Variants in CPNE8 observed in about 807,000 individuals in gnomAD.
The protein encoded by CPNE8 is copine-8.
In CPNE8, 45 loss-of-function variants were observed where a neutral mutation model predicts 81.5. The ratio of observed to expected loss-of-function variants is 0.55; its 90% CI spans 0.44 to 0.71. The LOEUF is 0.71. CPNE8 is among the 30% of genes least tolerant of loss of function. The pLI, the probability that CPNE8 is intolerant of heterozygous loss-of-function variation, is 0.00. For synonymous variants in CPNE8, 252 were observed against 226.3 expected, an observed-to-expected ratio of 1.11 and a Z score of -1.02; for missense variants, 594 against 672.1, an observed-to-expected ratio of 0.88 and a Z score of 1.28.
chr12:38,894,660 T>A (rs1235954595), intron 1 of CPNE8, among the ~76,000 whole-genome samples: 1 of 5,798 alleles, frequency 1.7e-4, no homozygotes. Context: ...TCCAGCTCAC[T>A]CTCTCTCTCT....
intron 3 of CPNE8, among the ~76,000 whole-genome samples, chr12:38,867,964 A>G (rs1175478235): frequency 6.6e-6 from 1 of 152,156 alleles, no homozygotes. Flanking sequence ...CTACAGATTA[A>G]TTTTAAATAA....
intron 1 of CPNE8, among the ~76,000 whole-genome samples, chr12:38,893,849 T>G (rs1944347728): frequency 6.6e-6 from 1 of 152,248 alleles, no homozygotes; most frequent in African/African-American, 2.4e-5. Flanking sequence ...TCAATATCAT[T>G]TTAAATACAC....
intron 15 of CPNE8, among the ~76,000 whole-genome samples, chr12:38,685,963 T>C (rs1939525596): frequency 6.6e-6 from 1 of 152,130 alleles, no homozygotes; most frequent in Non-Finnish European, 1.5e-5. Flanking sequence ...GAGATAAACA[T>C]ATAGAAATCC....
chr12:38,851,881 G>A (rs1435848954), intron 3 of CPNE8, among the ~76,000 whole-genome samples: 1 of 151,966 alleles, frequency 6.6e-6, no homozygotes, highest in Admixed American at 6.6e-5. Flanking sequence ...CAGCCTCCTG[G>A]CCTTCTTGTA....
intron 3 of CPNE8, among the ~76,000 whole-genome samples, chr12:38,857,055 CTTG>C (rs920456683): frequency 2.0e-4 from 31 of 151,832 alleles, no homozygotes; most frequent in African/African-American, 7.5e-4. Context: ...TTACCTTAAT[CTTG>C]TTGTCTTTTT....
At position 38,845,504 on chromosome 12, in the gene CPNE8, T is replaced by C. The variant is rs530990529; in HGVS notation, c.290+3055A>G. Among the ~76,000 whole-genome samples, 4 of 152,222 alleles carry C rather than the reference T, an allele frequency of 2.6e-5. No individual in the cohort carries two copies. The East Asian group carries it at 7.7e-4, about 29-fold the overall frequency. ...ACTACTGGGAATTTGTATTGCCTAC[T>C]TTAATCTTTTTTATTTTCCAATTTT... is the stretch of plus-strand genomic sequence containing the variant. On this transcript the variant is annotated intron_variant, in intron 4 of 19. Coordinates refer to ENST00000331366, the MANE Select transcript of CPNE8 (RefSeq NM_153634.3).
chr12:38,799,811 G>A (rs933956451), intron 6 of CPNE8, among the ~76,000 whole-genome samples: 8 of 144,100 alleles, frequency 5.6e-5, no homozygotes, highest in East Asian at 4.0e-4. Flanking sequence ...CACCGTGCGC[G>A]AGCCGAAGCA....
At chr12:38,800,383 C>A (rs1297711624) in intron 6 of CPNE8, among the ~76,000 whole-genome samples, 1 of 41,124 alleles carries the variant, frequency 2.4e-5, no homozygotes, top group African/African-American at 5.2e-5. Flanking sequence ...GGAGGCACCC[C>A]CCAGCAGGGG....
At chr12:38,749,276 C>G (rs1297430699) in intron 10 of CPNE8, among the ~76,000 whole-genome samples, 2 of 151,214 alleles carry the variant, frequency 1.3e-5, no homozygotes. Context: ...TCCCCCGCCA[C>G]GTGGAACTGT....
At chr12:38,852,800 G>T (rs1422038672) in intron 3 of CPNE8, among the ~76,000 whole-genome samples, 14 of 151,648 alleles carry the variant, frequency 9.2e-5, no homozygotes, top group Non-Finnish European at 1.5e-4. Context: ...ACCAATTTTG[G>T]TATATGTATA....
intron 4 of CPNE8, among the ~76,000 whole-genome samples, chr12:38,846,370 G>A (rs549004569): frequency 1.3e-5 from 2 of 152,252 alleles, no homozygotes; most frequent in African/African-American, 4.8e-5. Context: ...ACTAAGAGAA[G>A]GTTGGGAGTT....
At chr12:38,655,587 T>G (rs1209288380) in intron 19 of CPNE8, among the ~76,000 whole-genome samples, 1 of 152,192 alleles carries the variant, frequency 6.6e-6, no homozygotes, top group Non-Finnish European at 1.5e-5. Flanking sequence ...CATTTTACAT[T>G]TATTTTGAAA....
chr12:38,895,346 C>A (rs1259858978), intron 1 of CPNE8, among the ~76,000 whole-genome samples: 2 of 152,030 alleles, frequency 1.3e-5, no homozygotes, highest in Non-Finnish European at 2.9e-5. Flanking sequence ...AATTGTAGGG[C>A]CTGAGGTCAA....
chr12:38,816,735 T>C (rs978243747), intron 6 of CPNE8, among the ~76,000 whole-genome samples: 9 of 152,212 alleles, frequency 5.9e-5, no homozygotes, highest in Non-Finnish European at 1.2e-4. Context: ...AATGTAGCTG[T>C]ATTTGTGAAT....
intron 6 of CPNE8, among the ~76,000 whole-genome samples, chr12:38,798,092 C>T (rs533661063): frequency 3.9e-5 from 6 of 152,240 alleles, no homozygotes; most frequent in African/African-American, 9.6e-5. Flanking sequence ...CTGAAAGTGA[C>T]AGGGAGAATG....
At position 38,829,436 on chromosome 12, in the gene CPNE8, A is replaced by G; in HGVS notation, c.350T>C (p.Phe117Ser). ...ACCAACGATCTCTCCCAATGTACAAAACACTTGTCCCAGAAAGTCCTGAAA... is the reference window on the plus strand; with the variant it reads ...ACCAACGATCTCTCCCAATGTACAAGACACTTGTCCCAGAAAGTCCTGAAA... ...LSKHDFLGQVFCTLGEIVGSQ... is the reference protein window; with the variant it reads ...LSKHDFLGQVSCTLGEIVGSQ... The change falls in exon 6 of 20, where the codon TTT (phenylalanine) becomes TCT (serine). Residue 117 changes from phenylalanine to serine, a missense_variant. Physicochemically the swap from Phe to Ser is radical, Grantham distance 155 (BLOSUM62 -2). Coordinates refer to ENST00000331366, the MANE Select transcript of CPNE8 (RefSeq NM_153634.3). 1 of 1,612,928 alleles carries G rather than the reference A, an allele frequency of 6.2e-7. No individual in the cohort carries two copies. Among genetic ancestry groups the G allele is most frequent in the Non-Finnish European group, 8.5e-7 (1 of 1,178,964 alleles).
At chr12:38,776,056 T>A (rs917353995) in intron 7 of CPNE8, among the ~76,000 whole-genome samples, 182 bp downstream of exon 7, 1 of 152,154 alleles carries the variant, frequency 6.6e-6, no homozygotes, top group Non-Finnish European at 1.5e-5. Context: ...ATTATACTTT[T>A]CAGACTATGA....
chr12:38,752,099 G>T (rs1941363364), intron 10 of CPNE8, among the ~76,000 whole-genome samples: 1 of 151,986 alleles, frequency 6.6e-6, no homozygotes, highest in East Asian at 1.9e-4. Context: ...ATCTTTTCAT[G>T]TCATAAAACT....
intron 10 of CPNE8, among the ~76,000 whole-genome samples, chr12:38,738,390 A>T (rs1373908392): frequency 6.6e-6 from 1 of 152,180 alleles, no homozygotes; most frequent in African/African-American, 2.4e-5. Context: ...ATATGTAGAG[A>T]CAATTTAGAT....
Sources: gnomAD v4.1 joint callset for allele counts (sites outside exome capture counted in the v4.1 genomes callset) on GRCh38, gnomAD v4.1.1 for gene constraint, MANE v1.5 for transcripts, NCBI Gene and HGNC (gene_info 2026-07-23, HGNC 2026-07-21) for gene names.